Variants in NBEAL1 observed in about 807,000 individuals in gnomAD.
NBEAL1 encodes neurobeachin like 1, also known as neurobeachin-like protein 1.
NBEAL1 carries 273 observed loss-of-function variants against 351.3 expected under a neutral mutation model. The observed-to-expected ratio is 0.78, with a 90% confidence interval of 0.70 to 0.86. The LOEUF is 0.86. Among genes scored for constraint, NBEAL1 ranks in the 40% least tolerant of loss-of-function variants. NBEAL1 has a pLI of 0.00. For synonymous variants in NBEAL1, 1,050 were observed against 1,086.4 expected (o/e 0.97, Z 0.66); for missense variants, 2,961 against 3,201.3 (o/e 0.92, Z 1.81).
chr2:203,201,317 C>CT (rs1057477876), intron 49 of NBEAL1, among the ~76,000 whole-genome samples: 2 of 152,006 alleles, frequency 1.3e-5, no homozygotes, highest in Non-Finnish European at 2.9e-5. Context: ...CTGATTTCAC[C>CT]TTTTTTTGTT....
At chr2:203,163,174 A>T (rs1373398425) in intron 36 of NBEAL1, among the ~76,000 whole-genome samples, 1 of 152,132 alleles carries the variant, frequency 6.6e-6, no homozygotes, top group Non-Finnish European at 1.5e-5. Context: ...AAATAAACAG[A>T]TAAATAAATA....
chr2:203,209,960 AG>A (rs1445401526), intron 53 of NBEAL1, among the ~76,000 whole-genome samples: 1 of 152,024 alleles, frequency 6.6e-6, no homozygotes, highest in Non-Finnish European at 1.5e-5. Flanking sequence ...TACGTTGCCT[AG>A]GCTGGTCTCA....
chr2:203,103,638 C>G (rs889422356), intron 12 of NBEAL1, among the ~76,000 whole-genome samples: 1 of 151,810 alleles, frequency 6.6e-6, no homozygotes, highest in Non-Finnish European at 1.5e-5. Context: ...TAGTTCTTGC[C>G]TTTTGCTAGC....
chr2:203,151,497 A>G lies in NBEAL1; in HGVS notation c.5495A>G (p.Asn1832Ser). 1 of 1,606,948 alleles carries G rather than the reference A, an allele frequency of 6.2e-7. No individual in the cohort carries two copies. Among genetic ancestry groups the G allele is most frequent in the Non-Finnish European group, 8.5e-7 (1 of 1,176,714 alleles). ...KQNPIHWKLA[N>S]VENYSRMRLK... ...AATCCAATTCACTGGAAGCTAGCTA[A>G]TGTAGAGAATTATTCCCGCATGAGA... Residue 1832 changes from asparagine (N) to serine (S), a missense_variant, in exon 35 of 56, where the codon AAT becomes AGT. By Grantham distance (46) the Asn-to-Ser change is conservative. Transcript: ENST00000683969.
intron 12 of NBEAL1, 32 bp downstream of exon 12, chr2:203,099,744 T>G (rs1184299546): frequency 7.1e-7 from 1 of 1,404,482 alleles, no homozygotes; most frequent in Non-Finnish European, 9.7e-7. Context: ...TTTTTTTTTT[T>G]TCTTAACTTT....
At chr2:203,169,701 G>C in intron 38 of NBEAL1, 46 bp from the exon 39 acceptor site, 2 of 1,009,098 alleles carry the variant, frequency 2.0e-6, no homozygotes, top group Non-Finnish European at 3.0e-6. Context: ...AATCTTCCAA[G>C]TTTGTCTTGA....
intron 2 of NBEAL1, 133 bp downstream of exon 2, chr2:203,016,568 T>C: frequency 1.9e-6 from 1 of 513,006 alleles, no homozygotes; most frequent in Non-Finnish European, 3.1e-6. Context: ...TTAAAAGCGT[T>C]TAAAGGATTT....
chr2:203,142,506 T>C (rs2063407086), intron 31 of NBEAL1, among the ~76,000 whole-genome samples: 1 of 152,100 alleles, frequency 6.6e-6, no homozygotes, highest in Non-Finnish European at 1.5e-5. Flanking sequence ...TGCAAGACTA[T>C]TTATAATGAG....
At chr2:203,080,001 C>T (rs1165615912) in intron 8 of NBEAL1, among the ~76,000 whole-genome samples, 1 of 152,170 alleles carries the variant, frequency 6.6e-6, no homozygotes, top group Non-Finnish European at 1.5e-5. Context: ...CTTCATTTCT[C>T]AAGTGAACTT....
Position 203,132,051 on chromosome 2 carries a change from T to C in NBEAL1, c.3643T>C (p.Ser1215Pro). The change falls in exon 26 of 56, where the codon TCG (serine) becomes CCG (proline). Residue 1215 changes from serine to proline, a missense_variant. Ser to Pro is a moderately conservative substitution (Grantham distance 74). Coordinates refer to ENST00000683969, the MANE Select transcript of NBEAL1 (RefSeq NM_001378026.1). ...QHIRLREVGY[S>P]GLGLLLNEAL... The stretch of plus-strand genomic sequence containing the variant: ...TATTCGACTCAGAGAAGTTGGCTAC[T>C]CGGGACTGGGACTCCTTCTTAATGA... The C allele has an allele frequency of 6.4e-7, 1 of 1,554,646 alleles. No homozygotes were observed. Among genetic ancestry groups the C allele is most frequent in the Non-Finnish European group, 8.7e-7 (1 of 1,147,600 alleles).
At chr2:203,128,048 A>AGT in intron 24 of NBEAL1, 111 bp downstream of exon 24, 1 of 780,640 alleles carries the variant, frequency 1.3e-6, no homozygotes, top group Non-Finnish European at 2.1e-6. Context: ...AAATATGTGT[A>AGT]GTGTCACATT....
At chr2:203,060,348 C>T (rs1574912845) in intron 6 of NBEAL1, among the ~76,000 whole-genome samples, 1 of 151,816 alleles carries the variant, frequency 6.6e-6, no homozygotes. Flanking sequence ...GATTATTACA[C>T]CAAAAAAGAG....
At chr2:203,100,899 G>A (rs892481574) in intron 12 of NBEAL1, among the ~76,000 whole-genome samples, 17 of 151,970 alleles carry the variant, frequency 1.1e-4, no homozygotes, top group Admixed American at 7.9e-4. Context: ...CTTTTTAGTC[G>A]GGTTATTTGC....
In NBEAL1 at chr2:203,073,626, TG is replaced by T. The variant is rs2061717543; in HGVS notation, c.599-4123del. Among the ~76,000 whole-genome samples the T allele has an allele frequency of 3.3e-5, 5 of 152,316 alleles. 1 individual carries two copies. In the South Asian group the frequency reaches 1.0e-3, roughly 32 times the overall value. ...TATGAATAGCCACTGCATTCCAGCC[TG>T]GGCAACATAGTGAGACCCTGTCTCT... On this transcript the variant is annotated intron_variant, in intron 7 of 55. Transcript: ENST00000683969.
At chr2:203,154,482 A>T (rs1047963878) in intron 35 of NBEAL1, among the ~76,000 whole-genome samples, 4 of 152,008 alleles carry the variant, frequency 2.6e-5, no homozygotes, top group Non-Finnish European at 4.4e-5. Context: ...TTCTTTTTTT[A>T]AAATATTATC....
intron 2 of NBEAL1, among the ~76,000 whole-genome samples, chr2:203,024,066 C>T (rs1464475703): frequency 6.7e-6 from 1 of 149,008 alleles, no homozygotes; most frequent in African/African-American, 2.5e-5. Flanking sequence ...TGCAGTGGCT[C>T]ATGCCTATAA....
rs183264743 is a variant in NBEAL1, at chr2:203,133,134, C to T, written c.3801C>T (p.Ala1267=). ...SHRAHINVRV[A]ICRKVLQILQ... Reference sequence around the variant, plus strand: ...GAGCACATATAAATGTTAGAGTGGCCATCTGCAGAAAGGTCAGTAAACTCT... The same window carrying T: ...GAGCACATATAAATGTTAGAGTGGCTATCTGCAGAAAGGTCAGTAAACTCT... The change falls in exon 27 of 56, where the codon GCC becomes GCT. Residue 1267 remains alanine, a synonymous_variant. Transcript: ENST00000683969. 21 of 1,474,234 alleles carry T rather than the reference C, an allele frequency of 1.4e-5. No homozygotes were observed. The highest frequency in any genetic ancestry group is 1.7e-5 in the Non-Finnish European group (19 of 1,085,764). 91.3% of individuals were successfully genotyped at this position (1,474,234 alleles called of 1,614,324 possible).
intron 46 of NBEAL1, chr2:203,191,228 A>ACAT (rs1366278300): frequency 2.0e-6 from 3 of 1,523,960 alleles, no homozygotes; most frequent in Non-Finnish European, 2.7e-6. Context: ...CATCCTCATG[A>ACAT]CATCATCGAT....
chr2:203,172,020 T>C lies in NBEAL1; in HGVS notation c.6195T>C (p.Pro2065=). Residue 2065 remains proline, a synonymous_variant, in exon 40 of 56, where the codon CCT becomes CCC. Transcript: ENST00000683969. ...GRTYNDLAQY[P]VFPWILQDYT... is the part of the protein sequence containing the mutation. ...CCTATAATGACCTTGCACAGTATCC[T>C]GTGGTAAGTTTTGCATAAACCTTAT... 1 of 1,578,026 alleles carries C rather than the reference T, an allele frequency of 6.3e-7. No individual in the cohort carries two copies. The highest frequency in any genetic ancestry group is 1.2e-5 in the South Asian group (1 of 84,266).
Sources: gnomAD v4.1 joint callset for allele counts (sites outside exome capture counted in the v4.1 genomes callset) on GRCh38, gnomAD v4.1.1 for gene constraint, MANE v1.5 for transcripts, NCBI Gene and HGNC (gene_info 2026-07-23, HGNC 2026-07-21) for gene names.